TNR: variants seen among roughly 807,000 people sequenced by gnomAD.
The protein encoded by TNR is tenascin R.
Under a neutral mutation model 150.4 loss-of-function variants are expected in TNR, and 45 were observed. That is an observed-to-expected ratio of 0.30 (90% CI 0.24 to 0.38). The LOEUF (loss-of-function observed/expected upper bound fraction) is 0.38, where lower values mean the gene tolerates loss of function less well. TNR is among the 10% of genes least tolerant of loss of function. The pLI is 1.00. For synonymous variants in TNR, 687 were observed against 678.4 expected, an observed-to-expected ratio of 1.01 and a Z score of -0.20; for missense variants, 1,544 against 1,759.1, an observed-to-expected ratio of 0.88 and a Z score of 2.19.
intron 8 of TNR, among the ~76,000 whole-genome samples, chr1:175,385,676 A>C (rs1366888471): frequency 1.3e-5 from 2 of 152,214 alleles, no homozygotes; most frequent in Admixed American, 6.5e-5. Context: ...CCTTTCCTGA[A>C]TTCTCACAAA....
chr1:175,501,456 G>A (rs1391124801), intron 2 of TNR, among the ~76,000 whole-genome samples: 1 of 152,200 alleles, frequency 6.6e-6, no homozygotes, highest in Non-Finnish European at 1.5e-5. Context: ...AGAGGCCCCT[G>A]AGTTCCAAGT....
At position 175,403,218 on chromosome 1, in the gene TNR, C is replaced by T; in HGVS notation, c.898G>A (p.Ala300Thr). 1 of 1,614,118 alleles carries T rather than the reference C, an allele frequency of 6.2e-7. No homozygotes were observed. The highest frequency in any genetic ancestry group is 1.7e-5 in the Admixed American group (1 of 60,016). Residue 300 changes from alanine (A) to threonine (T), a missense_variant, in exon 4 of 23, where the codon GCC becomes ACC. Physicochemically the swap from Ala to Thr is moderately conservative, Grantham distance 58. Transcript: ENST00000367674. ...EDCGQRQCLN[A>T]CSGRGQCEEG... is the part of the protein sequence containing the mutation. Reference sequence around the variant, plus strand: ...TCACATTGTCCTCGCCCACTGCAGGCATTCAGACACTGCCGCTGGCCGCAG... The same window carrying T: ...TCACATTGTCCTCGCCCACTGCAGGTATTCAGACACTGCCGCTGGCCGCAG...
intron 2 of TNR, among the ~76,000 whole-genome samples, chr1:175,499,595 T>C (rs1658642298): frequency 6.6e-6 from 1 of 152,220 alleles, no homozygotes; most frequent in African/African-American, 2.4e-5. Flanking sequence ...ACCATATCCC[T>C]GTGTCCTATG....
At chr1:175,713,261 A>T (rs1338817894) in intron 1 of TNR, among the ~76,000 whole-genome samples, 2 of 152,244 alleles carry the variant, frequency 1.3e-5, no homozygotes, top group Non-Finnish European at 2.9e-5. Context: ...CTGTGAGGAC[A>T]GGACCTGGGT....
intron 7 of TNR, among the ~76,000 whole-genome samples, 193 bp downstream of exon 7, chr1:175,391,095 G>T (rs1653144886): frequency 6.6e-6 from 1 of 152,216 alleles, no homozygotes; most frequent in African/African-American, 2.4e-5. Context: ...GACAGTATTT[G>T]TAAGGATGAG....
At chr1:175,546,363 T>C (rs531262739) in intron 1 of TNR, among the ~76,000 whole-genome samples, 142 of 152,120 alleles carry the variant, frequency 9.3e-4, no homozygotes, top group African/African-American at 2.7e-3. Context: ...TAAGGAAAAA[T>C]AGGCTACAGA....
At chr1:175,343,039 C>A (rs1211082311) in intron 18 of TNR, among the ~76,000 whole-genome samples, 2 of 152,202 alleles carry the variant, frequency 1.3e-5, no homozygotes, top group African/African-American at 4.8e-5. Flanking sequence ...ACTGGTCTCC[C>A]TGCTGCCATT....
intron 1 of TNR, among the ~76,000 whole-genome samples, chr1:175,567,420 C>T (rs1379556875): frequency 3.3e-5 from 5 of 152,072 alleles, no homozygotes; most frequent in African/African-American, 7.2e-5. Flanking sequence ...CAGGAGGCCA[C>T]GGAGGACTGT....
intron 2 of TNR, among the ~76,000 whole-genome samples, chr1:175,418,612 C>T (rs923729904): frequency 1.3e-5 from 2 of 152,066 alleles, no homozygotes; most frequent in East Asian, 1.9e-4. Flanking sequence ...ATCCCAGCTA[C>T]TCAGGAGGCT....
At chr1:175,624,224 C>T (rs1664071170) in intron 1 of TNR, among the ~76,000 whole-genome samples, 1 of 152,162 alleles carries the variant, frequency 6.6e-6, no homozygotes. Flanking sequence ...CTGTCATCCT[C>T]ACTATATTGA....
chr1:175,337,419 GA>G, intron 19 of TNR, 108 bp downstream of exon 19: 1 of 1,337,858 alleles, frequency 7.5e-7, no homozygotes, highest in Non-Finnish European at 1.1e-6. Flanking sequence ...TGTGGGGGGT[GA>G]TAAAAGGATG....
chr1:175,467,762 A>G (rs1006865813), intron 2 of TNR, among the ~76,000 whole-genome samples: 1 of 152,208 alleles, frequency 6.6e-6, no homozygotes, highest in African/African-American at 2.4e-5. Context: ...TCCCACCCTC[A>G]TGAGGCTCCT....
At chr1:175,350,953 C>T (rs1210793819) in intron 18 of TNR, among the ~76,000 whole-genome samples, 1 of 152,104 alleles carries the variant, frequency 6.6e-6, no homozygotes, top group East Asian at 1.9e-4. Context: ...TCAACCCATC[C>T]TAAGAGTAGG....
intron 9 of TNR, among the ~76,000 whole-genome samples, chr1:175,369,937 A>G (rs6702574): frequency 0.66 from 100,688 of 152,078 alleles, 33,813 homozygotes; most frequent in East Asian, 0.81. Flanking sequence ...TTACCAGGCC[A>G]GTTTCTCTCC....
intron 1 of TNR, among the ~76,000 whole-genome samples, chr1:175,724,053 C>A (rs1450589668): frequency 2.6e-5 from 4 of 151,642 alleles, no homozygotes; most frequent in Admixed American, 2.6e-4. Flanking sequence ...AATTCTAAAC[C>A]CTCCAAAAGT....
At chr1:175,481,005 G>T (rs575000193) in intron 2 of TNR, among the ~76,000 whole-genome samples, 1 of 152,324 alleles carries the variant, frequency 6.6e-6, no homozygotes, top group South Asian at 2.1e-4. Context: ...CTACCAAGGA[G>T]TAATCTGTAA....
rs567427989 is a variant in TNR at position 175,335,778 on chromosome 1, A to G, written c.3564T>C (p.Thr1188=). 1 of 1,614,198 alleles carries G rather than the reference A, an allele frequency of 6.2e-7. No individual in the cohort carries two copies. Among genetic ancestry groups the G allele is most frequent in the East Asian group, 2.2e-5 (1 of 44,882 alleles). The part of the protein sequence containing the change: ...IVFQRRQNGQ[T]DFFRKWADYR... ...AATCAGCCCATTTCCGGAAAAAATC[A>G]GTTTGGCCATTCTGCCGCCTCTGGA... The change falls in exon 20 of 23, where the codon ACT becomes ACC. Residue 1188 remains threonine, a synonymous_variant. Coordinates refer to ENST00000367674, the MANE Select transcript of TNR (RefSeq NM_003285.3).
At chr1:175,647,717 G>A (rs1180659030) in intron 1 of TNR, among the ~76,000 whole-genome samples, 1 of 152,158 alleles carries the variant, frequency 6.6e-6, no homozygotes, top group African/African-American at 2.4e-5. Context: ...TAGCTCTCAG[G>A]CATTCTTGAC....
At chr1:175,417,049 A>AAGAAAGAAAGAAAGAG in intron 2 of TNR, among the ~76,000 whole-genome samples, 1 of 104,306 alleles carries the variant, frequency 9.6e-6, no homozygotes, top group Non-Finnish European at 2.2e-5. Context: ...GAAAGAAAGA[A>AAGAAAGAAAGAAAGAG]AGAAAGAAAG....
Sources: gnomAD v4.1 joint callset for allele counts (sites outside exome capture counted in the v4.1 genomes callset) on GRCh38, gnomAD v4.1.1 for gene constraint, MANE v1.5 for transcripts, NCBI Gene and HGNC (gene_info 2026-07-23, HGNC 2026-07-21) for gene names.